NEGR1: variants seen among roughly 807,000 people sequenced by gnomAD.
NEGR1 encodes neuronal growth regulator 1.
NEGR1 carries 10 observed loss-of-function variants against 40.9 expected under a neutral mutation model. The observed-to-expected ratio is 0.24, with a 90% CI of 0.15 to 0.42. The LOEUF is 0.42. Among genes scored for constraint, NEGR1 ranks in the 10% least tolerant of loss-of-function variants. NEGR1 has a pLI of 1.00. For synonymous variants in NEGR1, 185 were observed against 166.8 expected, an observed-to-expected ratio of 1.11 and a Z score of -0.84; for missense variants, 352 against 438.9, an observed-to-expected ratio of 0.80 and a Z score of 1.77.
chr1:72,197,649 T>C (rs1177434245), intron 1 of NEGR1, among the ~76,000 whole-genome samples: 1 of 152,054 alleles, frequency 6.6e-6, no homozygotes, highest in Non-Finnish European at 1.5e-5. Context: ...TTCCAAATGC[T>C]GAAACGTTTC....
chr1:71,661,893 A>G (rs778980370), intron 4 of NEGR1, among the ~76,000 whole-genome samples: 9 of 152,208 alleles, frequency 5.9e-5, no homozygotes, highest in Non-Finnish European at 4.4e-5. Flanking sequence ...TACAAACCCA[A>G]CTCTGCCACT....
intron 1 of NEGR1, among the ~76,000 whole-genome samples, chr1:72,175,974 T>C (rs1025223319): frequency 6.6e-6 from 1 of 152,126 alleles, no homozygotes; most frequent in South Asian, 2.1e-4. Context: ...TGAAGACTTA[T>C]AAACACTGTA....
At chr1:71,741,304 T>A (rs1655205328) in intron 3 of NEGR1, among the ~76,000 whole-genome samples, 1 of 152,188 alleles carries the variant, frequency 6.6e-6, no homozygotes, top group Non-Finnish European at 1.5e-5. Flanking sequence ...TGTGTAGCCA[T>A]GAACATTGCA....
intron 2 of NEGR1, among the ~76,000 whole-genome samples, chr1:71,777,081 G>C (rs1289395408): frequency 6.6e-6 from 1 of 151,962 alleles, no homozygotes; most frequent in Non-Finnish European, 1.5e-5. Context: ...TAATACATTC[G>C]GGAAATGTTG....
intron 1 of NEGR1, among the ~76,000 whole-genome samples, chr1:72,265,451 G>T (rs1157957728): frequency 6.6e-6 from 1 of 150,660 alleles, no homozygotes; most frequent in Non-Finnish European, 1.5e-5. Flanking sequence ...AAATAACTAA[G>T]AATTAATTTG....
At chr1:71,662,758 T>C (rs947025479) in intron 4 of NEGR1, among the ~76,000 whole-genome samples, 21 of 151,700 alleles carry the variant, frequency 1.4e-4, no homozygotes, top group Non-Finnish European at 2.5e-4. Context: ...ATTATATTGA[T>C]GTGAAACCCC....
At chr1:71,644,703 AT>A (rs1448589812) in intron 4 of NEGR1, among the ~76,000 whole-genome samples, 2 of 151,974 alleles carry the variant, frequency 1.3e-5, no homozygotes, top group African/African-American at 2.4e-5. Flanking sequence ...TACGGTAAGG[AT>A]TAAATAGGAA....
chr1:71,700,796 G>A (rs759978187), intron 3 of NEGR1, among the ~76,000 whole-genome samples: 6 of 151,938 alleles, frequency 3.9e-5, no homozygotes, highest in Non-Finnish European at 5.9e-5. Context: ...TAGGAACATT[G>A]CAGATGTGAA....
intron 1 of NEGR1, among the ~76,000 whole-genome samples, chr1:72,017,796 A>C (rs1281681155): frequency 6.6e-6 from 1 of 152,162 alleles, no homozygotes; most frequent in African/African-American, 2.4e-5. Context: ...GTTTCAGTTA[A>C]ACTGAATTAA....
intron 6 of NEGR1, among the ~76,000 whole-genome samples, chr1:71,458,249 A>G (rs775231851): frequency 6.6e-6 from 1 of 152,168 alleles, no homozygotes; most frequent in Non-Finnish European, 1.5e-5. Context: ...TCAGTAAGTT[A>G]TTGCTTACTG....
At chr1:72,118,733 T>C (rs1046240524) in intron 1 of NEGR1, among the ~76,000 whole-genome samples, 8 of 151,830 alleles carry the variant, frequency 5.3e-5, no homozygotes, top group African/African-American at 1.9e-4. Flanking sequence ...TTATAGTGGT[T>C]TCTATTACTT....
chr1:72,091,242 T>C (rs1648478143), intron 1 of NEGR1, among the ~76,000 whole-genome samples: 1 of 152,200 alleles, frequency 6.6e-6, no homozygotes, highest in Non-Finnish European at 1.5e-5. Flanking sequence ...AAGACATACA[T>C]GGTCATGCAC....
At chr1:71,440,605 A>G (rs1230327253) in intron 6 of NEGR1, among the ~76,000 whole-genome samples, 3 of 152,198 alleles carry the variant, frequency 2.0e-5, no homozygotes, top group Non-Finnish European at 4.4e-5. Context: ...GACATCTGCC[A>G]TTCAATTTGG....
At chr1:72,245,047 A>G (rs1185995011) in intron 1 of NEGR1, among the ~76,000 whole-genome samples, 2 of 152,064 alleles carry the variant, frequency 1.3e-5, no homozygotes, top group East Asian at 3.9e-4. Flanking sequence ...TGAAACAAGA[A>G]GAGAGAGCAT....
intron 1 of NEGR1, among the ~76,000 whole-genome samples, chr1:72,033,066 T>C (rs1443539775): frequency 1.3e-5 from 2 of 152,104 alleles, no homozygotes; most frequent in African/African-American, 4.8e-5. Flanking sequence ...AGTAATTAAA[T>C]TGTTACTCAC....
At chr1:71,767,770 A>T (rs1188428146) in intron 3 of NEGR1, among the ~76,000 whole-genome samples, 2 of 152,332 alleles carry the variant, frequency 1.3e-5, no homozygotes, top group South Asian at 4.1e-4. Context: ...GAGGCCTACC[A>T]AGGAAGAATG....
intron 2 of NEGR1, among the ~76,000 whole-genome samples, chr1:71,930,164 T>TA (rs893819428): frequency 6.6e-6 from 1 of 152,050 alleles, no homozygotes; most frequent in Non-Finnish European, 1.5e-5. Context: ...ATTTTTTTTT[T>TA]ACTTCCCTGC....
chr1:71,858,714 T>C (rs1659856289), intron 2 of NEGR1, among the ~76,000 whole-genome samples: 1 of 152,086 alleles, frequency 6.6e-6, no homozygotes, highest in South Asian at 2.1e-4. Context: ...CAGCAGATGG[T>C]TATTGGGGAA....
chr1:72,042,437 C>A (rs1646964689), intron 1 of NEGR1, among the ~76,000 whole-genome samples: 1 of 151,916 alleles, frequency 6.6e-6, no homozygotes, highest in African/African-American at 2.4e-5. Context: ...GGAAACACAA[C>A]TGATTACTCT....
Sources: allele counts gnomAD v4.1 joint callset (sites outside exome capture counted in the v4.1 genomes callset), GRCh38; gene constraint gnomAD v4.1.1; transcripts MANE v1.5; gene names NCBI Gene and HGNC (gene_info 2026-07-23, HGNC 2026-07-21).